FRMD5: variants seen among roughly 807,000 people sequenced by gnomAD.
FRMD5 encodes FERM domain-containing protein 5.
Under a neutral mutation model 69.0 loss-of-function variants are expected in FRMD5, and 20 were observed. The ratio of observed to expected loss-of-function variants is 0.29; its 90% CI spans 0.20 to 0.42. FRMD5 has a LOEUF of 0.42. Ranked by LOEUF, FRMD5 falls within the 10% of genes least tolerant of loss-of-function variation. The pLI, the probability that FRMD5 is intolerant of heterozygous loss-of-function variation, is 1.00. For missense variants in FRMD5, 595 were observed against 708.6 expected (o/e 0.84, Z 1.82); for synonymous variants, 271 against 260.1 (o/e 1.04, Z -0.40).
rs566870962 is a variant in FRMD5 at position 43,971,050 on chromosome 15, C to G, written c.103-46741G>C. Among the ~76,000 whole-genome samples, 7 of 151,472 alleles carry G rather than the reference C, an allele frequency of 4.6e-5. No homozygotes were observed. The South Asian group carries it at 1.5e-3, about 32-fold the overall frequency. ...GAATCACCTGGCCAACATGGTGAAACCTTGTCTCTACTAAAACAAAACAAA... is the reference window on the plus strand; with the variant it reads ...GAATCACCTGGCCAACATGGTGAAAGCTTGTCTCTACTAAAACAAAACAAA... On this transcript the variant is annotated intron_variant, in intron 1 of 13. Transcript: ENST00000417257.
intron 1 of FRMD5, among the ~76,000 whole-genome samples, chr15:43,973,301 C>T (rs867670730): frequency 5.9e-5 from 9 of 151,270 alleles, no homozygotes; most frequent in Admixed American, 3.3e-4. Flanking sequence ...GGATTACAGG[C>T]GTGAGCCACC....
intron 1 of FRMD5, among the ~76,000 whole-genome samples, chr15:43,931,594 T>C (rs1178645579): frequency 6.6e-6 from 1 of 152,180 alleles, no homozygotes; most frequent in Non-Finnish European, 1.5e-5. Flanking sequence ...TTTTCTTTTT[T>C]TTTTTGCAAA....
rs1474530445 is a variant in FRMD5, at chr15:44,064,212, T to C, written c.102+130741A>G. ...GGAAGGTCACTGGCATGATCTTCCA[T>C]GTCTCCCACCACCACTGTGTCTGTC... On this transcript the variant is annotated intron_variant, in intron 1 of 13. Transcript: ENST00000417257. The C allele has an allele frequency of 1.6e-5, 3 of 183,618 alleles. No individual in the cohort carries two copies. In the Admixed American group the frequency reaches 1.9e-4, roughly 11 times the overall value. The allele number at this position is 183,618 out of a possible 1,614,324, so 11.4% of individuals were successfully genotyped here.
intron 1 of FRMD5, among the ~76,000 whole-genome samples, chr15:43,967,665 C>T (rs1227774949): frequency 1.3e-5 from 2 of 152,090 alleles, no homozygotes; most frequent in African/African-American, 2.4e-5. Flanking sequence ...ACTGTTAGTA[C>T]ATTTTAAGAT....
chr15:44,108,434 C>G (rs1371908172), intron 1 of FRMD5, among the ~76,000 whole-genome samples: 1 of 152,160 alleles, frequency 6.6e-6, no homozygotes, highest in African/African-American at 2.4e-5. Flanking sequence ...CACCTGAGGT[C>G]TGGAGTTCGA....
chr15:43,876,163 C>G, intron 13 of FRMD5: 9 of 1,595,300 alleles, frequency 5.6e-6, no homozygotes, highest in Non-Finnish European at 7.7e-6. Context: ...GGACCTTGAG[C>G]CTTCTTGTCA....
intron 1 of FRMD5, among the ~76,000 whole-genome samples, chr15:44,087,463 T>C (rs529029515): frequency 5.1e-4 from 77 of 152,172 alleles, no homozygotes; most frequent in Non-Finnish European, 9.3e-4. Flanking sequence ...TTGAAATATA[T>C]GAACCAAAAC....
chr15:44,197,491 G>C (rs1336629586), upstream of FRMD5, among the ~76,000 whole-genome samples: 1 of 151,570 alleles, frequency 6.6e-6, no homozygotes, highest in African/African-American at 2.4e-5. Context: ...AGACCAGCCT[G>C]GCCATCATGG....
intron 1 of FRMD5, among the ~76,000 whole-genome samples, chr15:44,018,620 A>G (rs1891074830): frequency 6.6e-6 from 1 of 152,214 alleles, no homozygotes; most frequent in African/African-American, 2.4e-5. Context: ...ACCCCTAAGA[A>G]TTCTAGTCTG....
chr15:44,138,806 C>G (rs1303582003), intron 1 of FRMD5, among the ~76,000 whole-genome samples: 2 of 152,018 alleles, frequency 1.3e-5, no homozygotes, highest in Admixed American at 1.3e-4. Flanking sequence ...CATGGATGAA[C>G]CTTGAAAACA....
At chr15:44,017,397 A>C (rs1396446356) in intron 1 of FRMD5, among the ~76,000 whole-genome samples, 2 of 151,728 alleles carry the variant, frequency 1.3e-5, no homozygotes, top group Non-Finnish European at 2.9e-5. Context: ...AATTTTTGAG[A>C]TCAAATGAGA....
chr15:44,195,339 G>A, upstream of FRMD5: 1 of 471,026 alleles, frequency 2.1e-6, no homozygotes, highest in South Asian at 2.8e-5. Flanking sequence ...GGGGCCAATG[G>A]GGGTCAGCGC....
chr15:44,151,120 G>A (rs1022076396), intron 1 of FRMD5, among the ~76,000 whole-genome samples: 13 of 152,006 alleles, frequency 8.6e-5, no homozygotes, highest in Admixed American at 3.3e-4. Context: ...AAAAAGGACC[G>A]GGCGTGGTGG....
In FRMD5 at chr15:44,125,870, T is replaced by C. The variant is rs545199088; in HGVS notation, c.102+69083A>G. On this transcript the variant is annotated intron_variant, in intron 1 of 13. Coordinates refer to ENST00000417257, the MANE Select transcript of FRMD5 (RefSeq NM_032892.5). ...ATTGACTCTGCTACCCTGCCACCAC[T>C]GACTTCAGGGAAGCACATTGACAGG... 6.4e-4 allele frequency among the ~76,000 whole-genome samples: 97 copies of C among 152,330 alleles called. 1 individual carries two copies. The South Asian group carries it at 0.016, about 24-fold the overall frequency.
chr15:44,160,173 G>A (rs769927830), intron 1 of FRMD5, among the ~76,000 whole-genome samples: 11 of 152,216 alleles, frequency 7.2e-5, no homozygotes, highest in Admixed American at 3.3e-4. Context: ...GGCCAACATG[G>A]TTAAACCCTG....
intron 1 of FRMD5, among the ~76,000 whole-genome samples, chr15:44,030,207 C>T (rs1863600): frequency 1.2e-3 from 184 of 151,688 alleles, no homozygotes; most frequent in East Asian, 2.1e-3. Flanking sequence ...TTTTTTTTTA[C>T]AAAATTAATT....
chr15:44,149,920 A>C (rs2077416590), intron 1 of FRMD5, among the ~76,000 whole-genome samples: 1 of 152,138 alleles, frequency 6.6e-6, no homozygotes, highest in African/African-American at 2.4e-5. Context: ...ACAAAATACT[A>C]ACAAACCAAA....
intron 1 of FRMD5, among the ~76,000 whole-genome samples, chr15:43,973,273 C>T (rs574965013): frequency 7.9e-5 from 12 of 152,064 alleles, no homozygotes; most frequent in African/African-American, 2.4e-4. Context: ...CCGCCTGCCT[C>T]GGCCTCCCAA....
Position 43,955,768 on chromosome 15 carries a change from GTC to G in FRMD5, c.103-31461_103-31460del, listed in dbSNP as rs141630451. Among the ~76,000 whole-genome samples the G allele has an allele frequency of 3.5e-3, 531 of 151,942 alleles. 2 individuals are homozygous for G. Among genetic ancestry groups the G allele is most frequent in the African/African-American group, 0.012 (498 of 41,478 alleles). On this transcript the variant is annotated intron_variant, in intron 1 of 13. Coordinates refer to ENST00000417257, the MANE Select transcript of FRMD5 (RefSeq NM_032892.5). Reference sequence around the variant, plus strand: ...TATGTTCCATGTTTTCCAATGAACTGTCTCTATTCTGGTTATAATCAAGTAAA... The same window carrying G: ...TATGTTCCATGTTTTCCAATGAACTGTCTATTCTGGTTATAATCAAGTAAA...
Sources: allele counts gnomAD v4.1 joint callset (sites outside exome capture counted in the v4.1 genomes callset), GRCh38; gene constraint gnomAD v4.1.1; transcripts MANE v1.5; gene names NCBI Gene and HGNC (gene_info 2026-07-23, HGNC 2026-07-21).